NCOR2: variants seen among roughly 807,000 people sequenced by gnomAD.
The protein encoded by NCOR2 is CTG repeat protein 26.
NCOR2 carries 81 observed loss-of-function variants against 262.9 expected under a neutral mutation model. The observed-to-expected ratio is 0.31, with a 90% CI of 0.26 to 0.37. NCOR2 has a LOEUF of 0.37. Among genes scored for constraint, NCOR2 ranks in the 10% least tolerant of loss-of-function variants. NCOR2 has a pLI of 1.00. For synonymous variants in NCOR2, 1,659 were observed against 1,559.3 expected, an observed-to-expected ratio of 1.06 and a Z score of -1.51; for missense variants, 3,385 against 3,621.4, an observed-to-expected ratio of 0.93 and a Z score of 1.68.
Position 124,528,037 on chromosome 12 carries a change from G to C in NCOR2, c.-118+7528C>G, listed in dbSNP as rs151283712. ...GGGATTTGCTGAATCAGGATGGCCC[G>C]AGGCCTCCTGAGGTTTCACTGCGGA... On this transcript the variant is annotated intron_variant, in intron 1 of 46. Transcript: ENST00000404621. Among the ~76,000 whole-genome samples, 88 of 152,272 alleles carry C rather than the reference G, an allele frequency of 5.8e-4. 1 individual carries two copies. Among genetic ancestry groups the C allele is most frequent in the African/African-American group, 2.1e-3 (87 of 41,554 alleles).
exon 17 of NCOR2, chr12:124,385,772 C>T (rs1313250387): frequency 6.2e-7 from 1 of 1,613,980 alleles, no homozygotes; most frequent in Non-Finnish European, 8.5e-7. Flanking sequence ...GCTGCAAGAT[C>T]TCATCGAGGT....
chr12:124,355,377 C>T, intron 24 of NCOR2, 55 bp downstream of exon 26: 1 of 1,590,266 alleles, frequency 6.3e-7, no homozygotes, highest in Middle Eastern at 1.7e-4. Flanking sequence ...TCCCATTGCC[C>T]CCACTTTACA....
chr12:124,497,870 G>A (rs1232246315), upstream of NCOR2, among the ~76,000 whole-genome samples: 5 of 152,224 alleles, frequency 3.3e-5, no homozygotes, highest in East Asian at 7.7e-4. The surrounding 1 kb of genome is among the most constrained non-coding windows in gnomAD (Gnocchi z 4.2). Flanking sequence ...CCGGCCCCAA[G>A]AGCAATGAGA....
At chr12:124,340,910 A>G (rs1034427887) in intron 34 of NCOR2, among the ~76,000 whole-genome samples, 159 bp from the exon 37 acceptor site, 1 of 151,902 alleles carries the variant, frequency 6.6e-6, no homozygotes, top group African/African-American at 2.4e-5. Context: ...CAGCCATGGA[A>G]CCCTTTTCTG....
chr12:124,554,123 G>A (rs778246407), intron 1 of NCOR2, among the ~76,000 whole-genome samples: 1 of 152,260 alleles, frequency 6.6e-6, no homozygotes, highest in African/African-American at 2.4e-5. Context: ...TGAGCAGCGT[G>A]AACCCTCCTG....
chr12:124,487,873 TAAAA>T (rs3040836), intron 1 of NCOR2, among the ~76,000 whole-genome samples: 47 of 137,614 alleles, frequency 3.4e-4, no homozygotes, highest in Admixed American at 4.3e-4. Flanking sequence ...AAACTGTGTT[TAAAA>T]AAAAAAAAAA....
chr12:124,356,821 T>C, intron 22 of NCOR2, 39 bp from the exon 25 acceptor site: 1 of 1,436,398 alleles, frequency 7.0e-7, no homozygotes, highest in Admixed American at 3.7e-5. Flanking sequence ...GGGCAGGAGG[T>C]GGGGCAGTCA....
chr12:124,419,121 G>A (rs1274172235), intron 13 of NCOR2, among the ~76,000 whole-genome samples: 1 of 151,802 alleles, frequency 6.6e-6, no homozygotes, highest in Non-Finnish European at 1.5e-5. Flanking sequence ...CAAACACCGA[G>A]CGCCCAGGAT....
At chr12:124,563,515 A>G (rs1030052550) in intron 1 of NCOR2, among the ~76,000 whole-genome samples, 3 of 152,236 alleles carry the variant, frequency 2.0e-5, no homozygotes, top group Admixed American at 6.5e-5. Context: ...CATCTGCCCC[A>G]GGGCCTCACT....
In NCOR2 at chr12:124,553,789, G is replaced by A. The variant is rs117033897; in HGVS notation, c.-165+13519C>T. Among the ~76,000 whole-genome samples the A allele has an allele frequency of 3.3e-5, 5 of 152,260 alleles. No homozygotes were observed. The East Asian group carries it at 7.7e-4, about 24-fold the overall frequency. On this transcript the variant is annotated intron_variant, in intron 1 of 32. Coordinates refer to the NCOR2 transcript ENST00000458234. ...AAATCCCCCCACTGCTGAAACCTAC[G>A]CTTCCTCACGTCCCTGCATGCCAGG... is the stretch of plus-strand genomic sequence containing the variant.
intron 1 of NCOR2, chr12:124,530,067 C>T (rs2050700232): frequency 6.6e-6 from 1 of 152,176 alleles, no homozygotes; most frequent in African/African-American, 2.4e-5. Flanking sequence ...CTTTGATGTC[C>T]ATCAACTGAT....
intron 3 of NCOR2, among the ~76,000 whole-genome samples, chr12:124,479,255 C>A (rs532460630): frequency 6.6e-6 from 1 of 152,068 alleles, no homozygotes; most frequent in African/African-American, 2.4e-5. Context: ...CACACACGCA[C>A]ACACAAACAC....
chr12:124,449,851 G>A (rs1382631641), exon 7 of NCOR2: 1 of 1,613,928 alleles, frequency 6.2e-7, no homozygotes, highest in Non-Finnish European at 8.5e-7. Context: ...GGTGTCGGAG[G>A]GCTGGTTGTA....
intron 4 of NCOR2, among the ~76,000 whole-genome samples, chr12:124,466,906 G>C (rs539656878): frequency 6.6e-6 from 1 of 152,020 alleles, no homozygotes; most frequent in Admixed American, 6.5e-5. Context: ...CTCATGATGC[G>C]TGCAAAGCAC....
chr12:124,529,004 AC>A (rs1204223956), intron 1 of NCOR2, among the ~76,000 whole-genome samples: 1 of 151,950 alleles, frequency 6.6e-6, no homozygotes, highest in Non-Finnish European at 1.5e-5. Flanking sequence ...ACACAGAGAA[AC>A]CCCGTCTCTA....
chr12:124,484,244 C>T (rs1489859829), intron 2 of NCOR2, among the ~76,000 whole-genome samples: 1 of 152,170 alleles, frequency 6.6e-6, no homozygotes, highest in Non-Finnish European at 1.5e-5. Flanking sequence ...CTCTCACCCA[C>T]GCAGGGCAGA....
Position 124,354,940 on chromosome 12 carries a change from C to T in NCOR2, c.3382-1G>A. ...GGACGTGGAGCTGGACCGACATTCCCTGTAGGGGCGGAGTTGTGGGGTCAC... is the reference window on the plus strand; with the variant it reads ...GGACGTGGAGCTGGACCGACATTCCTTGTAGGGGCGGAGTTGTGGGGTCAC... On this transcript the variant is annotated splice_acceptor_variant, in intron 24 of 46. Coordinates refer to ENST00000405201, the Ensembl canonical transcript of NCOR2. LOFTEE classifies it high-confidence loss of function. 6.2e-7 allele frequency: 1 copy of T among 1,612,774 alleles called. No individual in the cohort carries two copies. The highest frequency in any genetic ancestry group is 8.5e-7 in the Non-Finnish European group (1 of 1,179,442).
At chr12:124,387,580 G>GCCA (rs1265605771) in intron 16 of NCOR2, among the ~76,000 whole-genome samples, 2 of 152,126 alleles carry the variant, frequency 1.3e-5, no homozygotes, top group African/African-American at 4.8e-5. Context: ...TGACTGACAG[G>GCCA]CCACCTGTTC....
intron 2 of NCOR2, among the ~76,000 whole-genome samples, chr12:124,484,581 C>A (rs1384950857): frequency 1.3e-5 from 2 of 152,214 alleles, no homozygotes; most frequent in Admixed American, 6.5e-5. Flanking sequence ...CCCTGCCTGG[C>A]CTGGCCCTCG....
Sources: allele counts gnomAD v4.1 joint callset (sites outside exome capture counted in the v4.1 genomes callset), GRCh38; gene constraint gnomAD v4.1.1; non-coding constraint Gnocchi (gnomAD v3.1); transcripts MANE v1.5; gene names NCBI Gene and HGNC (gene_info 2026-07-23, HGNC 2026-07-21).